CSMD1: variants seen among roughly 807,000 people sequenced by gnomAD.
CSMD1 encodes the protein CUB and Sushi multiple domains 1.
CSMD1 carries 213 observed loss-of-function variants against 417.5 expected under a neutral mutation model. That is an observed-to-expected ratio of 0.51 (90% CI 0.46 to 0.57). The LOEUF (loss-of-function observed/expected upper bound fraction) is 0.57. Ranked by LOEUF, CSMD1 falls within the 20% of genes least tolerant of loss-of-function variation. CSMD1 has a pLI of 0.00. For synonymous variants in CSMD1, 2,862 were observed against 1,736.8 expected, an observed-to-expected ratio of 1.65 and a Z score of -16.11; for missense variants, 6,923 against 4,529.7, an observed-to-expected ratio of 1.53 and a Z score of -15.17.
intron 62 of CSMD1, among the ~76,000 whole-genome samples, chr8:2,960,038 AT>A (rs1464907223): frequency 6.6e-6 from 1 of 152,206 alleles, no homozygotes; most frequent in Non-Finnish European, 1.5e-5. Context: ...TACAGTCATC[AT>A]TGACTTTTAA....
Position 3,219,237 on chromosome 8 carries a change from T to C in CSMD1, c.4672+18A>G. On this transcript the variant is annotated intron_variant, in intron 29 of 69. Coordinates refer to ENST00000635120, the MANE Select transcript of CSMD1 (RefSeq NM_033225.6). ...TGATACAAATTAATTCCCACTCAAA[T>C]TCAGGCAATCGCAATACCTTTAAAT... is the stretch of plus-strand genomic sequence containing the variant. The C allele has an allele frequency of 6.4e-7, 1 of 1,570,126 alleles. No homozygotes were observed. Among genetic ancestry groups the C allele is most frequent in the Admixed American group, 1.8e-5 (1 of 54,124 alleles).
intron 3 of CSMD1, among the ~76,000 whole-genome samples, chr8:4,078,637 C>T (rs1156643083): frequency 1.3e-5 from 2 of 149,562 alleles, no homozygotes; most frequent in African/African-American, 2.5e-5. Flanking sequence ...TTCTGTATTT[C>T]ACATGTATTT....
At chr8:4,562,786 G>A (rs929409769) in intron 2 of CSMD1, among the ~76,000 whole-genome samples, 1 of 151,904 alleles carries the variant, frequency 6.6e-6, no homozygotes, top group Non-Finnish European at 1.5e-5. Context: ...ATCCTAAAAG[G>A]TATATCATAT....
chr8:3,731,888 C>T (rs548193717), intron 6 of CSMD1, among the ~76,000 whole-genome samples: 12 of 152,242 alleles, frequency 7.9e-5, no homozygotes, highest in African/African-American at 2.9e-4. Context: ...AAGCTTAGAG[C>T]AGTTGAATAA....
chr8:4,984,945 A>G (rs74350143), intron 1 of CSMD1, among the ~76,000 whole-genome samples: 6,683 of 152,266 alleles, frequency 0.044, 196 homozygotes, highest in South Asian at 0.069. Context: ...ACCACTGGCA[A>G]AGTCAAAATG....
At chr8:3,953,808 C>A (rs1456867666) in intron 5 of CSMD1, among the ~76,000 whole-genome samples, 6 of 152,090 alleles carry the variant, frequency 3.9e-5, no homozygotes, top group African/African-American at 1.4e-4. Context: ...GCTATACAGC[C>A]ATGAGAGGTC....
chr8:3,350,217 T>C (rs1435124778), intron 21 of CSMD1, among the ~76,000 whole-genome samples: 2 of 133,378 alleles, frequency 1.5e-5, no homozygotes, highest in South Asian at 2.5e-4. Context: ...ATAATACCTA[T>C]AATAACCTAT....
chr8:3,791,542 G>C (rs1480879833), intron 5 of CSMD1, among the ~76,000 whole-genome samples: 1 of 152,202 alleles, frequency 6.6e-6, no homozygotes. Flanking sequence ...TACCTTAACA[G>C]GCCGGGCATG....
intron 10 of CSMD1, among the ~76,000 whole-genome samples, chr8:3,502,181 G>A (rs188551404): frequency 4.0e-5 from 6 of 151,882 alleles, no homozygotes; most frequent in African/African-American, 9.7e-5. Context: ...TGGCTAACGT[G>A]GTGAAACCCC....
intron 5 of CSMD1, among the ~76,000 whole-genome samples, chr8:3,948,611 T>A (rs1285430843): frequency 2.0e-5 from 3 of 152,156 alleles, no homozygotes; most frequent in Admixed American, 6.5e-5. Context: ...TTAACATCAA[T>A]TCCACATACT....
intron 3 of CSMD1, among the ~76,000 whole-genome samples, chr8:4,250,253 G>A (rs1258566656): frequency 6.6e-6 from 1 of 152,102 alleles, no homozygotes; most frequent in African/African-American, 2.4e-5. Context: ...CAACCTGCAA[G>A]AACAAAAAGC....
chr8:4,768,664 T>A (rs907426416), intron 1 of CSMD1, among the ~76,000 whole-genome samples: 1 of 152,152 alleles, frequency 6.6e-6, no homozygotes, highest in Non-Finnish European at 1.5e-5. Flanking sequence ...CAATCACAGA[T>A]GGGAGGGAAA....
At position 4,826,614 on chromosome 8, in the gene CSMD1, G is replaced by A. The variant is rs141925858; in HGVS notation, c.85+167718C>T. ...ACAACTGATGGAAGAGCAAAAAGGA[G>A]ATAACTTGGGAGAAATTGCTGCAGG... On this transcript the variant is annotated intron_variant, in intron 1 of 69. Coordinates refer to ENST00000635120, the MANE Select transcript of CSMD1 (RefSeq NM_033225.6). Among the ~76,000 whole-genome samples the A allele has an allele frequency of 8.7e-4, 133 of 152,270 alleles. 1 individual carries two copies. Among genetic ancestry groups the A allele is most frequent in the Non-Finnish European group, 1.7e-3 (119 of 68,014 alleles).
At chr8:4,540,268 A>G (rs536011115) in intron 2 of CSMD1, among the ~76,000 whole-genome samples, 2 of 152,332 alleles carry the variant, frequency 1.3e-5, no homozygotes, top group East Asian at 3.9e-4. Flanking sequence ...TAAAATAAGG[A>G]AAGATTTCTG....
At chr8:4,824,436 A>T (rs151210090) in intron 1 of CSMD1, among the ~76,000 whole-genome samples, 12 of 152,254 alleles carry the variant, frequency 7.9e-5, no homozygotes, top group African/African-American at 2.6e-4. Flanking sequence ...TTCCGGGTAG[A>T]AAAATTGTAT....
chr8:3,537,193 G>C (rs1020125927), intron 10 of CSMD1, among the ~76,000 whole-genome samples: 3 of 151,968 alleles, frequency 2.0e-5, no homozygotes, highest in Non-Finnish European at 2.9e-5. Flanking sequence ...TAAGAGACAG[G>C]TTTCACCATG....
chr8:4,620,211 G>A (rs1234265690), intron 2 of CSMD1, among the ~76,000 whole-genome samples: 2 of 151,546 alleles, frequency 1.3e-5, no homozygotes, highest in Admixed American at 6.6e-5. Context: ...AGGTAATATG[G>A]AGAATTATTT....
chr8:3,562,188 A>T (rs1412870765), intron 10 of CSMD1, among the ~76,000 whole-genome samples: 1 of 152,246 alleles, frequency 6.6e-6, no homozygotes. Context: ...GGAAAGATGG[A>T]AAGTGAATGT....
At chr8:4,648,187 T>C (rs1240755382) in intron 1 of CSMD1, among the ~76,000 whole-genome samples, 1 of 152,252 alleles carries the variant, frequency 6.6e-6, no homozygotes, top group Non-Finnish European at 1.5e-5. Context: ...CTTTCTTTCT[T>C]ATGTTTGTTG....
Sources: gnomAD v4.1 joint callset for allele counts (sites outside exome capture counted in the v4.1 genomes callset) on GRCh38, gnomAD v4.1.1 for gene constraint, MANE v1.5 for transcripts, NCBI Gene and HGNC (gene_info 2026-07-23, HGNC 2026-07-21) for gene names.